Variants in PLXNA4 observed in about 807,000 individuals in gnomAD.
PLXNA4 encodes plexin-A4.
In PLXNA4, 44 loss-of-function variants were observed where a neutral mutation model predicts 191.8. The ratio of observed to expected loss-of-function variants is 0.23; its 90% CI spans 0.18 to 0.29. The LOEUF (loss-of-function observed/expected upper bound fraction) is 0.29. Among genes scored for constraint, PLXNA4 ranks in the 10% least tolerant of loss-of-function variants. PLXNA4 has a pLI of 1.00. For missense variants in PLXNA4, 1,800 were observed against 2,488.8 expected (o/e 0.72, Z 5.89); for synonymous variants, 1,082 against 1,009.5 (o/e 1.07, Z -1.36).
chr7:132,341,906 T>C (rs962305730), intron 3 of PLXNA4, among the ~76,000 whole-genome samples: 6 of 152,264 alleles, frequency 3.9e-5, no homozygotes, highest in African/African-American at 1.2e-4. Context: ...AAATAAGATA[T>C]AGACAGCAAC....
chr7:132,384,529 C>T, intron 3 of PLXNA4: 10 of 986,860 alleles, frequency 1.0e-5, no homozygotes, highest in Non-Finnish European at 1.2e-5. Context: ...GACTGGACAA[C>T]ACCAATTAAC....
chr7:132,441,994 C>T (rs1375920721), intron 3 of PLXNA4, among the ~76,000 whole-genome samples: 1 of 152,176 alleles, frequency 6.6e-6, no homozygotes, highest in Non-Finnish European at 1.5e-5. Flanking sequence ...GAGTGACACT[C>T]CTGACCTCAA....
chr7:132,611,120 A>C (rs891642947), intron 2 of PLXNA4, among the ~76,000 whole-genome samples: 5 of 152,214 alleles, frequency 3.3e-5, no homozygotes, highest in African/African-American at 1.2e-4. Context: ...CTCTTTGACA[A>C]ACTAAGAGGG....
intron 2 of PLXNA4, among the ~76,000 whole-genome samples, chr7:132,636,023 G>T (rs1004495139): frequency 6.6e-6 from 1 of 152,200 alleles, no homozygotes; most frequent in East Asian, 1.9e-4. Flanking sequence ...AACTCAGAGG[G>T]TAGAGAGCTT....
chr7:132,527,218 A>G (rs528009091), intron 1 of PLXNA4, among the ~76,000 whole-genome samples: 14 of 152,244 alleles, frequency 9.2e-5, no homozygotes, highest in African/African-American at 3.4e-4. Context: ...ACAAGAGCTG[A>G]GGCTGCAGGA....
intron 2 of PLXNA4, among the ~76,000 whole-genome samples, chr7:132,638,201 G>C (rs1371917880): frequency 1.3e-5 from 2 of 152,226 alleles, no homozygotes; most frequent in Non-Finnish European, 2.9e-5. Context: ...CCCCATATCT[G>C]TCCCTCTATC....
chr7:132,313,551 T>C lies in PLXNA4; in HGVS notation c.1372-15329A>G, dbSNP rs532924879. ...CACACCTGGGTGGCCAAGGGAATGGTGGGCCCAAGGAGCAAGTTGAAGGGA... is the reference window on the plus strand; with the variant it reads ...CACACCTGGGTGGCCAAGGGAATGGCGGGCCCAAGGAGCAAGTTGAAGGGA... On this transcript the variant is annotated intron_variant, in intron 3 of 31. Transcript: ENST00000321063. Among the ~76,000 whole-genome samples, 5 of 152,170 alleles carry C rather than the reference T, an allele frequency of 3.3e-5. 1 individual carries two copies. The highest frequency in any genetic ancestry group is 9.6e-5 in the African/African-American group (4 of 41,522).
intron 3 of PLXNA4, among the ~76,000 whole-genome samples, chr7:132,452,020 G>A (rs559309159): frequency 1.3e-5 from 2 of 152,328 alleles, no homozygotes; most frequent in East Asian, 1.9e-4. Context: ...CCTTCCCCAA[G>A]AGTCCTCTCT....
rs551169752 is a variant in PLXNA4, at chr7:132,603,310, G to A, written c.-87+42618C>T. Among the ~76,000 whole-genome samples, 874 of 152,070 alleles carry A rather than the reference G, an allele frequency of 5.7e-3. 7 individuals carry two copies. The highest frequency in any genetic ancestry group is 0.041 in the Middle Eastern group (12 of 292). ...TGGAATTAATTCCACCCCGGGAAGA[G>A]AGGAGCCGAGCTGCTTCAGTCTCTT... On this transcript the variant is annotated intron_variant, in intron 2 of 4. Coordinates refer to the PLXNA4 transcript ENST00000378539.
chr7:132,138,962 A>T (rs1382218429), intron 30 of PLXNA4, among the ~76,000 whole-genome samples: 2 of 152,202 alleles, frequency 1.3e-5, no homozygotes, highest in African/African-American at 4.8e-5. Context: ...CGGATGACCA[A>T]CAGCCCAGCT....
rs573596844 is a variant in PLXNA4, at chr7:132,443,556, C to T, written c.1371+45736G>A. Among the ~76,000 whole-genome samples, 9 of 152,310 alleles carry T rather than the reference C, an allele frequency of 5.9e-5. No homozygotes were observed. The South Asian group carries it at 8.3e-4, about 14-fold the overall frequency. ...TGCCACCGGGCCTGTTGTCCATTTCCTGGCACGTGCTCAGTCAATACAAAT... is the reference window on the plus strand; with the variant it reads ...TGCCACCGGGCCTGTTGTCCATTTCTTGGCACGTGCTCAGTCAATACAAAT... On this transcript the variant is annotated intron_variant, in intron 3 of 31. Coordinates refer to ENST00000321063, the MANE Select transcript of PLXNA4 (RefSeq NM_020911.2).
intron 3 of PLXNA4, among the ~76,000 whole-genome samples, chr7:132,457,748 GA>G (rs1205881010): frequency 6.6e-6 from 1 of 152,222 alleles, no homozygotes; most frequent in Non-Finnish European, 1.5e-5. Context: ...AGGATAGAGG[GA>G]GACTTTACTA....
chr7:132,200,779 G>A (rs1046470550), intron 12 of PLXNA4, among the ~76,000 whole-genome samples: 2 of 152,234 alleles, frequency 1.3e-5, no homozygotes, highest in Non-Finnish European at 1.5e-5. Flanking sequence ...CCATTGTAGT[G>A]GAGGAGAACA....
chr7:132,614,543 C>A (rs1803114659), intron 2 of PLXNA4, among the ~76,000 whole-genome samples: 1 of 152,226 alleles, frequency 6.6e-6, no homozygotes, highest in Non-Finnish European at 1.5e-5. Flanking sequence ...ACTGAAGGCT[C>A]AGGGAGCAGT....
At chr7:132,342,662 C>T (rs770229464) in intron 3 of PLXNA4, among the ~76,000 whole-genome samples, 2 of 151,972 alleles carry the variant, frequency 1.3e-5, no homozygotes, top group Non-Finnish European at 2.9e-5. Context: ...GATATTTACA[C>T]GAGGCCAGGC....
At chr7:132,341,901 A>G (rs554063245) in intron 3 of PLXNA4, among the ~76,000 whole-genome samples, 1 of 152,324 alleles carries the variant, frequency 6.6e-6, no homozygotes, top group African/African-American at 2.4e-5. Flanking sequence ...GAGAAAAATA[A>G]GATATAGACA....
intron 14 of PLXNA4, among the ~76,000 whole-genome samples, chr7:132,189,863 C>G (rs919184387): frequency 1.3e-5 from 2 of 152,170 alleles, no homozygotes; most frequent in East Asian, 3.9e-4. Context: ...AATGACACAA[C>G]CCTTAAATGC....
rs1407565811 is a variant in PLXNA4 at position 132,491,645 on chromosome 7, A to AG, written c.1189-2172_1189-2171insC. Among the ~76,000 whole-genome samples, 5 of 151,632 alleles carry AG rather than the reference A, an allele frequency of 3.3e-5. No individual in the cohort carries two copies. The East Asian group carries it at 9.7e-4, about 29-fold the overall frequency. On this transcript the variant is annotated intron_variant, in intron 2 of 31. Transcript: ENST00000321063. Reference sequence around the variant, plus strand: ...TCCCCTTCCCTTAAAAGAAAAAAAAAAAGAAAAATTATTGACCAGGCATGG... The same window carrying AG: ...TCCCCTTCCCTTAAAAGAAAAAAAAAGAAGAAAAATTATTGACCAGGCATGG...
At chr7:132,449,394 G>A (rs1180021611) in intron 3 of PLXNA4, among the ~76,000 whole-genome samples, 1 of 152,190 alleles carries the variant, frequency 6.6e-6, no homozygotes, top group Non-Finnish European at 1.5e-5. Flanking sequence ...TGAAGCTGGT[G>A]CCACCATGTC....
Sources: gnomAD v4.1 joint callset for allele counts (sites outside exome capture counted in the v4.1 genomes callset) on GRCh38, gnomAD v4.1.1 for gene constraint, MANE v1.5 for transcripts, NCBI Gene and HGNC (gene_info 2026-07-23, HGNC 2026-07-21) for gene names.